The following BCAS3 variants were observed in gnomAD, a reference collection of about 807,000 sequenced individuals.
BCAS3 encodes the protein BCAS4/BCAS3 fusion.
A neutral mutation model predicts 116.1 loss-of-function variants in BCAS3; 53 were observed. The ratio of observed to expected loss-of-function variants is 0.46; its 90% CI spans 0.37 to 0.57. The LOEUF (loss-of-function observed/expected upper bound fraction) is 0.57, where lower values mean the gene tolerates loss of function less well. BCAS3 is among the 20% of genes least tolerant of loss of function. BCAS3 has a pLI of 0.00. For synonymous variants in BCAS3, 391 were observed against 408.2 expected, an observed-to-expected ratio of 0.96 and a Z score of 0.51; for missense variants, 917 against 1,165.4, an observed-to-expected ratio of 0.79 and a Z score of 3.10.
intron 14 of BCAS3, chr17:60,980,588 A>C (rs954529594): frequency 6.9e-6 from 1 of 145,196 alleles, no homozygotes; most frequent in Non-Finnish European, 1.5e-5. Flanking sequence ...GGTAAAATGC[A>C]GTGCTGCAAT....
chr17:60,854,949 G>GATTTTTTTTTTTT (rs2053526923), intron 7 of BCAS3, among the ~76,000 whole-genome samples: 1 of 121,932 alleles, frequency 8.2e-6, no homozygotes, highest in African/African-American at 3.6e-5. Context: ...TTTCAGTGAG[G>GATTTTTTTTTTTT]TTTTTTTTTT....
intron 15 of BCAS3, among the ~76,000 whole-genome samples, chr17:60,999,477 G>A (rs2064078940): frequency 6.7e-6 from 1 of 149,898 alleles, no homozygotes; most frequent in Non-Finnish European, 1.5e-5. Context: ...CGAGCTGAAT[G>A]TTGCAGTGAG....
chr17:61,038,756 C>T (rs1406595731), intron 18 of BCAS3, among the ~76,000 whole-genome samples: 2 of 150,148 alleles, frequency 1.3e-5, no homozygotes, highest in Non-Finnish European at 3.0e-5. Context: ...GCAGCCTCCA[C>T]CTCCCGTGTT....
intron 6 of BCAS3, among the ~76,000 whole-genome samples, chr17:60,762,194 T>C (rs2043608415): frequency 6.6e-6 from 1 of 152,212 alleles, no homozygotes; most frequent in South Asian, 2.1e-4. Context: ...GCATAAGCTC[T>C]TTAGTTTAAT....
rs2065804736 is a variant in BCAS3, at chr17:61,020,551, G to T, written c.1637+4650G>T. 6.6e-6 allele frequency among the ~76,000 whole-genome samples: 1 copy of T among 152,156 alleles called. No homozygotes were observed. On this transcript the variant is annotated intron_variant, in intron 16 of 23. Transcript: ENST00000407086. This position sits in a 1 kb window ranked among gnomAD's most constrained non-coding sequence, Gnocchi z 4.5. ...CAGTTTAAGACTGGAGGTTTAAAAA[G>T]TCCAGGTTATCATGTTCTTATCATA...
At chr17:60,937,180 C>T (rs546096474) in intron 13 of BCAS3, among the ~76,000 whole-genome samples, 47 of 151,816 alleles carry the variant, frequency 3.1e-4, no homozygotes, top group African/African-American at 1.1e-3. Context: ...AGATATGCGA[C>T]ATTATTTCTG....
intron 22 of BCAS3, among the ~76,000 whole-genome samples, chr17:61,115,982 A>G (rs2075407561): frequency 6.6e-6 from 1 of 150,966 alleles, no homozygotes; most frequent in Admixed American, 6.6e-5. Flanking sequence ...TCAGTAAACT[A>G]TCGCAAGAAC....
chr17:61,345,236 AGAG>A (rs2057436848), intron 22 of BCAS3, among the ~76,000 whole-genome samples: 1 of 152,206 alleles, frequency 6.6e-6, no homozygotes, highest in South Asian at 2.1e-4. Context: ...TGCTCTCATC[AGAG>A]GAGACTCCGC....
intron 7 of BCAS3, chr17:60,811,028 AGGTTG>A: frequency 1.5e-6 from 1 of 657,086 alleles, no homozygotes; most frequent in African/African-American, 1.8e-5. Flanking sequence ...CAGTCTGCCG[AGGTTG>A]GAGCTGCTGC....
At chr17:60,872,525 A>G (rs1253241650) in intron 8 of BCAS3, among the ~76,000 whole-genome samples, 1 of 150,104 alleles carries the variant, frequency 6.7e-6, no homozygotes, top group South Asian at 2.1e-4. Context: ...CCCCATATAT[A>G]TCTGTATGTG....
chr17:61,134,726 A>G lies in BCAS3; in HGVS notation c.2425+50162A>G, dbSNP rs1353093313. On this transcript the variant is annotated intron_variant, in intron 22 of 23. Transcript: ENST00000407086. The surrounding 1 kb of genome is among the most constrained non-coding windows in gnomAD (Gnocchi z 4.6). ...TTACAAACACCTCATTTAACCTTCA[A>G]AACAATCCTTTTTGACATCAGTTTT... 6.6e-6 allele frequency among the ~76,000 whole-genome samples: 1 copy of G among 152,178 alleles called. No individual in the cohort carries two copies. The highest frequency in any genetic ancestry group is 1.9e-4 in the East Asian group (1 of 5,192).
intron 22 of BCAS3, among the ~76,000 whole-genome samples, chr17:61,116,912 A>C (rs2075498330): frequency 6.6e-6 from 1 of 152,074 alleles, no homozygotes; most frequent in South Asian, 2.1e-4. Context: ...ACTGCTTTCA[A>C]GATTTTTTCT....
At chr17:61,137,959 C>A (rs2076732720) in intron 22 of BCAS3, among the ~76,000 whole-genome samples, 1 of 152,116 alleles carries the variant, frequency 6.6e-6, no homozygotes, top group South Asian at 2.1e-4. Context: ...CATGCACAAT[C>A]TATTTTGAAT....
intron 21 of BCAS3, among the ~76,000 whole-genome samples, chr17:61,078,926 T>G (rs1384696915): frequency 6.6e-6 from 1 of 152,220 alleles, no homozygotes; most frequent in Non-Finnish European, 1.5e-5. Flanking sequence ...CTCCCTTCTT[T>G]TAGATTATAT....
At chr17:60,876,605 A>T (rs570835162) in intron 9 of BCAS3, among the ~76,000 whole-genome samples, 3 of 152,240 alleles carry the variant, frequency 2.0e-5, no homozygotes, top group South Asian at 2.1e-4. Context: ...TGTTGAGACT[A>T]GCAATGATGA....
Position 61,387,967 on chromosome 17 carries a change from G to A in BCAS3, c.2594-4010G>A, listed in dbSNP as rs1047089291. On this transcript the variant is annotated intron_variant, in intron 23 of 23. Coordinates refer to ENST00000407086, the MANE Select transcript of BCAS3 (RefSeq NM_017679.5). This position sits in a 1 kb window ranked among gnomAD's most constrained non-coding sequence, Gnocchi z 6.2. The stretch of plus-strand genomic sequence containing the variant: ...CTCCTGCCCTACTTTGGGGCCTGGA[G>A]AACAAGCTCTTTTAAAGCTTCTCCC... Among the ~76,000 whole-genome samples, 4 of 152,190 alleles carry A rather than the reference G, an allele frequency of 2.6e-5. No homozygotes were observed. Among genetic ancestry groups the A allele is most frequent in the African/African-American group, 9.7e-5 (4 of 41,436 alleles).
intron 22 of BCAS3, among the ~76,000 whole-genome samples, chr17:61,331,268 T>G (rs1304981987): frequency 6.6e-6 from 1 of 152,194 alleles, no homozygotes. Context: ...CCTGCTGATC[T>G]TCAGAGTTTT....
chr17:60,807,341 TTTC>T (rs1471118884), intron 6 of BCAS3, among the ~76,000 whole-genome samples: 4 of 152,184 alleles, frequency 2.6e-5, no homozygotes, highest in Non-Finnish European at 4.4e-5. Context: ...GTTTTATAAT[TTTC>T]TTGTCTTGAA....
At chr17:60,752,639 G>A (rs1259448790) in intron 6 of BCAS3, among the ~76,000 whole-genome samples, 2 of 151,866 alleles carry the variant, frequency 1.3e-5, no homozygotes, top group Non-Finnish European at 2.9e-5. Context: ...TAGCCAGGAT[G>A]GTCTTGATCT....
Sources: allele counts gnomAD v4.1 joint callset (sites outside exome capture counted in the v4.1 genomes callset), GRCh38; gene constraint gnomAD v4.1.1; non-coding constraint Gnocchi (gnomAD v3.1); transcripts MANE v1.5; gene names NCBI Gene and HGNC (gene_info 2026-07-23, HGNC 2026-07-21).